The following GPR149 variants were observed in gnomAD, a reference collection of about 807,000 sequenced individuals.
GPR149 encodes the protein probable G protein-coupled receptor 149.
Under a neutral mutation model 50.2 loss-of-function variants are expected in GPR149, and 50 were observed. That is an observed-to-expected ratio of 1.00 (90% CI 0.79 to 1.26). The LOEUF is 1.26. Ranked by LOEUF, GPR149 falls within the 50% of genes most tolerant of loss-of-function variation. The pLI is 0.00. For synonymous variants in GPR149, 405 were observed against 358.2 expected (o/e 1.13, Z -1.48); for missense variants, 983 against 895.4 (o/e 1.10, Z -1.25).
At position 154,380,166 on chromosome 3, in the gene GPR149, C is replaced by CAGAG. The variant is rs57858107; in HGVS notation, c.1623+40869_1623+40872dup. ...TTTGTGTGTGTGTGTGTGAGAGAGA[C>CAGAG]AGAGAGAGAGAGAGAGAGAGAGAGA... On this transcript the variant is annotated intron_variant, in intron 3 of 3. Transcript: ENST00000389740. 1.8e-3 allele frequency among the ~76,000 whole-genome samples: 234 copies of CAGAG among 133,688 alleles called. 1 individual carries two copies. The highest frequency in any genetic ancestry group is 3.7e-3 in the South Asian group (14 of 3,814). The allele number at this position is 133,688 out of a possible 152,430, so 87.7% of individuals were successfully genotyped here.
rs1234859652 is a variant in GPR149 at position 154,427,692 on chromosome 3, T to G, written c.998A>C (p.Gln333Pro). The change falls in exon 2 of 4, where the codon CAG becomes CCG. Residue 333 changes from glutamine (Q) to proline (P), a missense_variant. Transcript: ENST00000389740. The stretch of plus-strand genomic sequence containing the variant: ...AAGGCTCTGAAACCCCACGACGTTC[T>G]GGACCACCATGTGCATCTGCAAGGG... The part of the protein sequence containing the change: ...WLPMMMHMVV[Q>P]NVVGFQSLPL... 8 of 1,612,604 alleles carry G rather than the reference T, an allele frequency of 5.0e-6. No individual in the cohort carries two copies. In the African/African-American group the frequency reaches 1.1e-4, roughly 21 times the overall value.
At chr3:154,348,680 C>T (rs575031606) in intron 3 of GPR149, among the ~76,000 whole-genome samples, 1 of 152,166 alleles carries the variant, frequency 6.6e-6, no homozygotes, top group South Asian at 2.1e-4. Context: ...CCCTCTCTCG[C>T]AACAATCCAT....
At chr3:154,425,775 G>A (rs1210004154) in intron 2 of GPR149, among the ~76,000 whole-genome samples, 1 of 152,098 alleles carries the variant, frequency 6.6e-6, no homozygotes, top group Non-Finnish European at 1.5e-5. Flanking sequence ...TGTGATATGA[G>A]TGTGACTGTT....
chr3:154,400,188 G>C (rs1440786184), intron 3 of GPR149, among the ~76,000 whole-genome samples: 1 of 151,848 alleles, frequency 6.6e-6, no homozygotes, highest in Non-Finnish European at 1.5e-5. Context: ...GGGTTTCACC[G>C]TGTTAGCCAG....
chr3:154,340,367 C>T (rs1319203742), intron 3 of GPR149, among the ~76,000 whole-genome samples: 1 of 152,152 alleles, frequency 6.6e-6, no homozygotes, highest in Admixed American at 6.5e-5. Flanking sequence ...GACAGAGGGA[C>T]CACACAGGTT....
chr3:154,368,124 G>A (rs149292934), intron 3 of GPR149, among the ~76,000 whole-genome samples: 1,609 of 152,256 alleles, frequency 0.011, 31 homozygotes, highest in Non-Finnish European at 0.011. Context: ...AGACATTCTA[G>A]TCTTCCAGAT....
At chr3:154,359,497 C>T (rs1421155507) in intron 3 of GPR149, among the ~76,000 whole-genome samples, 1 of 152,186 alleles carries the variant, frequency 6.6e-6, no homozygotes, top group Non-Finnish European at 1.5e-5. Context: ...TTCTTGACTA[C>T]TGGTATTGTT....
chr3:154,363,668 C>T (rs1200155241), intron 3 of GPR149, among the ~76,000 whole-genome samples: 1 of 152,192 alleles, frequency 6.6e-6, no homozygotes. Flanking sequence ...GCTGCCACTT[C>T]TGGATAGAGT....
intron 3 of GPR149, among the ~76,000 whole-genome samples, chr3:154,375,737 G>A (rs1207965137): frequency 6.6e-6 from 1 of 152,124 alleles, no homozygotes; most frequent in East Asian, 1.9e-4. Context: ...GGTGTGGGTG[G>A]TCTGTGAGGG....
intron 3 of GPR149, among the ~76,000 whole-genome samples, chr3:154,410,576 G>A (rs1711806684): frequency 6.6e-6 from 1 of 152,112 alleles, no homozygotes; most frequent in East Asian, 1.9e-4. Context: ...TAAAGTAGCA[G>A]CAGTTTAAAA....
At chr3:154,392,150 A>C (rs1715186371) in intron 3 of GPR149, among the ~76,000 whole-genome samples, 1 of 151,912 alleles carries the variant, frequency 6.6e-6, no homozygotes, top group Non-Finnish European at 1.5e-5. Context: ...AGTATAGAAC[A>C]AATTAATCTA....
At chr3:154,353,689 C>G (rs1001475070) in intron 3 of GPR149, 5 of 1,306,068 alleles carry the variant, frequency 3.8e-6, no homozygotes, top group Non-Finnish European at 5.5e-6. Flanking sequence ...GGAGCCAAAA[C>G]AAGTACCTTT....
intron 3 of GPR149, among the ~76,000 whole-genome samples, chr3:154,366,557 G>A (rs1714537310): frequency 6.6e-6 from 1 of 152,166 alleles, no homozygotes; most frequent in African/African-American, 2.4e-5. Context: ...TGTGATGGCT[G>A]TTACCTATAA....
chr3:154,420,993 T>C lies in GPR149; in HGVS notation c.1623+46A>G, dbSNP rs766807908. The C allele has an allele frequency of 2.2e-6, 3 of 1,344,406 alleles. No individual in the cohort carries two copies. In the African/African-American group the frequency reaches 4.4e-5, roughly 20 times the overall value. The allele number at this position is 1,344,406 out of a possible 1,614,324, so 83.3% of individuals were successfully genotyped here. A position where few individuals can be genotyped will look rare whatever the true frequency, so the allele number is the denominator to read the frequency against. On this transcript the variant is annotated intron_variant, in intron 3 of 3. Transcript: ENST00000389740. ...GATAATGTTTTTCATGACTATCATATTTAGTATCACTTTCAATTTAACAGC... is the reference window on the plus strand; with the variant it reads ...GATAATGTTTTTCATGACTATCATACTTAGTATCACTTTCAATTTAACAGC...
chr3:154,427,517 T>G lies in GPR149; in HGVS notation c.1173A>C (p.Lys391Asn). 1.2e-6 allele frequency: 2 copies of G among 1,604,648 alleles called. No individual in the cohort carries two copies. Among genetic ancestry groups the G allele is most frequent in the Non-Finnish European group, 1.7e-6 (2 of 1,176,250 alleles). The part of the protein sequence containing the change: ...NAYAVASDGK[K>N]IKRKGFEFNL... ...ATCACTGCAGTGTTGAGGACTTACTTTTTTTCCCATCGGACGCCACTGCAT... is the reference window on the plus strand; with the variant it reads ...ATCACTGCAGTGTTGAGGACTTACTGTTTTTCCCATCGGACGCCACTGCAT... Residue 391 changes from lysine to asparagine, a missense_variant and splice_region_variant, in exon 2 of 4, where the codon AAA becomes AAC. Coordinates refer to ENST00000389740, the MANE Select transcript of GPR149 (RefSeq NM_001038705.3).
Position 154,338,211 on chromosome 3 carries a change from C to G in GPR149, c.1684G>C (p.Ala562Pro). 1.9e-6 allele frequency: 3 copies of G among 1,613,342 alleles called. No individual in the cohort carries two copies. The Admixed American group carries it at 5.0e-5, about 27-fold the overall frequency. ...CAFQGTVSLH[A>P]PTGKTLSLST... The stretch of plus-strand genomic sequence containing the variant: ...AGAGATAGGGTTTTCCCTGTAGGTG[C>G]ATGGAGAGACACAGTCCCCTGGAAT... The change falls in exon 4 of 4, where the codon GCA (alanine) becomes CCA (proline). Residue 562 changes from alanine to proline, a missense_variant. Ala to Pro is a conservative substitution (Grantham distance 27, BLOSUM62 -1). Coordinates refer to ENST00000389740, the MANE Select transcript of GPR149 (RefSeq NM_001038705.3).
At chr3:154,376,742 G>T (rs1714800541) in intron 3 of GPR149, among the ~76,000 whole-genome samples, 1 of 152,076 alleles carries the variant, frequency 6.6e-6, no homozygotes, top group African/African-American at 2.4e-5. Context: ...AAGATAAAAT[G>T]CAAAAACACT....
intron 3 of GPR149, among the ~76,000 whole-genome samples, chr3:154,372,003 C>T (rs1714676820): frequency 7.3e-6 from 1 of 137,806 alleles, no homozygotes; most frequent in African/African-American, 2.7e-5. Flanking sequence ...ATACTGGTCT[C>T]TGACTAGCCT....
intron 3 of GPR149, among the ~76,000 whole-genome samples, chr3:154,343,798 GGGACCCTGT>G (rs1267877585): frequency 1.6e-4 from 24 of 152,192 alleles, no homozygotes; most frequent in African/African-American, 5.8e-4. Flanking sequence ...GCAACATAGA[GGGACCCTGT>G]CTCTAAAAAA....
Sources: gnomAD v4.1 joint callset for allele counts (sites outside exome capture counted in the v4.1 genomes callset) on GRCh38, gnomAD v4.1.1 for gene constraint, MANE v1.5 for transcripts, NCBI Gene and HGNC (gene_info 2026-07-23, HGNC 2026-07-21) for gene names.